The following XPO4 variants were observed in gnomAD, a reference collection of about 807,000 sequenced individuals.
XPO4 encodes exportin 4.
Under a neutral mutation model 143.0 loss-of-function variants are expected in XPO4, and 39 were observed. The ratio of observed to expected loss-of-function variants is 0.27; its 90% CI spans 0.21 to 0.36. XPO4 has a LOEUF of 0.36. XPO4 is among the 10% of genes least tolerant of loss of function. The pLI, the probability that XPO4 is intolerant of heterozygous loss-of-function variation, is 1.00. For synonymous variants in XPO4, 439 were observed against 474.0 expected, an observed-to-expected ratio of 0.93 and a Z score of 0.96; for missense variants, 907 against 1,348.0, an observed-to-expected ratio of 0.67 and a Z score of 5.12.
intron 13 of XPO4, among the ~76,000 whole-genome samples, chr13:20,806,539 CTTTTTTTTTTTTTTTTTTTT>C (rs3056347): frequency 4.9e-5 from 3 of 61,596 alleles, no homozygotes; most frequent in Admixed American, 2.6e-4. Flanking sequence ...TTTCAGGACC[CTTTTTTTTTTTTTTTTTTTT>C]TTTTTTTTTT....
intron 2 of XPO4, among the ~76,000 whole-genome samples, chr13:20,866,926 G>C (rs2060249383): frequency 1.3e-5 from 2 of 152,300 alleles, no homozygotes; most frequent in Non-Finnish European, 2.9e-5. Flanking sequence ...TAGAAAGTCA[G>C]ATGAAACACT....
At position 20,868,524 on chromosome 13, in the gene XPO4, G is replaced by A. The variant is rs2060264394; in HGVS notation, c.175+72C>T. The A allele has an allele frequency of 6.6e-6, 10 of 1,516,046 alleles. No homozygotes were observed. The South Asian group carries it at 1.2e-4, about 18-fold the overall frequency. The allele number at this position is 1,516,046 out of a possible 1,614,324, so 93.9% of individuals were successfully genotyped here. On this transcript the variant is annotated intron_variant, in intron 2 of 22. Coordinates refer to ENST00000255305, the MANE Select transcript of XPO4 (RefSeq NM_022459.5). ...GGTTTTTAAAAAGGAATTTAAAATA[G>A]CTAATGTTTAAGACAGCAAACCCAG... is the stretch of plus-strand genomic sequence containing the variant.
At chr13:20,810,439 CT>C (rs2059566831) in intron 9 of XPO4, among the ~76,000 whole-genome samples, 1 of 152,072 alleles carries the variant, frequency 6.6e-6, no homozygotes, top group Non-Finnish European at 1.5e-5. Flanking sequence ...AAAGCACTGT[CT>C]TCAAAAAAAA....
intron 14 of XPO4, 40 bp from the exon 15 acceptor site, chr13:20,800,365 G>T: frequency 1.3e-6 from 2 of 1,547,704 alleles, no homozygotes; most frequent in Non-Finnish European, 8.7e-7. Flanking sequence ...AAGCAAGAAA[G>T]ATCAACTCAA....
At chr13:20,856,546 C>T (rs1047109607) in intron 3 of XPO4, among the ~76,000 whole-genome samples, 1 of 152,172 alleles carries the variant, frequency 6.6e-6, no homozygotes, top group East Asian at 1.9e-4. Flanking sequence ...CCACCAAGTG[C>T]CCCTGGAATA....
At chr13:20,892,004 CA>C in intron 1 of XPO4, among the ~76,000 whole-genome samples, 1 of 151,568 alleles carries the variant, frequency 6.6e-6, no homozygotes, top group Admixed American at 6.6e-5. Context: ...ATCAAAACCA[CA>C]AATCTGACAA....
In XPO4 at chr13:20,800,950, G is replaced by A. The variant is rs1279278487; in HGVS notation, c.1858C>T (p.Arg620Ter). 6.2e-7 allele frequency: 1 copy of A among 1,613,892 alleles called. No individual in the cohort carries two copies. Among genetic ancestry groups the A allele is most frequent in the East Asian group, 2.2e-5 (1 of 44,840 alleles). The part of the protein sequence containing the change: ...AILRVSEVES[R>*]AIRADLTHLL... Reference sequence around the variant, plus strand: ...TGAGTGAGATCTGCTCTTATTGCTCGAGATTCAACTTCTGAAACTCTGAGA... The same window carrying A: ...TGAGTGAGATCTGCTCTTATTGCTCAAGATTCAACTTCTGAAACTCTGAGA... The change falls in exon 14 of 23, where the codon CGA becomes TGA. Residue 620 changes from arginine (R) to a stop codon, truncating the protein, a stop_gained. Transcript: ENST00000255305. LOFTEE classifies it high-confidence loss of function.
intron 1 of XPO4, among the ~76,000 whole-genome samples, chr13:20,892,776 C>T (rs1033501474): frequency 1.3e-5 from 2 of 151,748 alleles, no homozygotes; most frequent in African/African-American, 4.8e-5. Flanking sequence ...CCCACCTACT[C>T]GGGAGGCTAA....
chr13:20,876,093 C>CAAAAAAAAAA (rs11301411), intron 1 of XPO4, among the ~76,000 whole-genome samples: 11 of 90,718 alleles, frequency 1.2e-4, no homozygotes, highest in East Asian at 7.9e-4. Flanking sequence ...CTACTAAATA[C>CAAAAAAAAAA]AAAAAAAAAA....
At chr13:20,889,308 G>A (rs1196468671) in intron 1 of XPO4, among the ~76,000 whole-genome samples, 1 of 152,200 alleles carries the variant, frequency 6.6e-6, no homozygotes, top group Non-Finnish European at 1.5e-5. Flanking sequence ...TCTACAGACT[G>A]AACTGCTCTA....
At chr13:20,895,459 C>A (rs1372037337) in intron 1 of XPO4, among the ~76,000 whole-genome samples, 2 of 151,946 alleles carry the variant, frequency 1.3e-5, no homozygotes, top group Non-Finnish European at 2.9e-5. Flanking sequence ...AGGTGAAACC[C>A]TGTCCCTACT....
At chr13:20,896,294 A>G (rs1428030026) in intron 1 of XPO4, among the ~76,000 whole-genome samples, 2 of 152,168 alleles carry the variant, frequency 1.3e-5, no homozygotes, top group East Asian at 1.9e-4. Flanking sequence ...GGAAAGAGAG[A>G]TTTTGATTGA....
intron 7 of XPO4, 65 bp downstream of exon 7, chr13:20,827,002 A>C (rs947815221): frequency 5.8e-5 from 66 of 1,141,462 alleles, no homozygotes; most frequent in Non-Finnish European, 7.6e-5. Context: ...TTTACTTAAG[A>C]AACTCGCCAA....
chr13:20,865,696 A>G (rs1374980388), intron 2 of XPO4: 1 of 636,196 alleles, frequency 1.6e-6, no homozygotes, highest in African/African-American at 2.0e-5. Flanking sequence ...TTTAAAAAAG[A>G]AAAAACCCCG....
rs1029540744 is a variant in XPO4 at position 20,803,489 on chromosome 13, T to TA, written c.1818-2500dup. ...AGGGGCCTTTCTTCTACCTCAGAAA[T>TA]ACCTCTCATAACCCAAGAACCTTTC... On this transcript the variant is annotated intron_variant, in intron 13 of 22. Transcript: ENST00000255305. This position sits in a 1 kb window ranked among gnomAD's most constrained non-coding sequence, Gnocchi z 4.1. 1.1e-4 allele frequency among the ~76,000 whole-genome samples: 16 copies of TA among 152,106 alleles called. No homozygotes were observed. The highest frequency in any genetic ancestry group is 3.9e-4 in the African/African-American group (16 of 41,412).
chr13:20,843,023 A>C lies in XPO4; in HGVS notation c.599T>G (p.Met200Arg). 1 of 1,612,242 alleles carries C rather than the reference A, an allele frequency of 6.2e-7. No homozygotes were observed. Among genetic ancestry groups the C allele is most frequent in the East Asian group, 2.2e-5 (1 of 44,816 alleles). The change falls in exon 6 of 23, where the codon ATG becomes AGG. Residue 200 changes from methionine (M) to arginine (R), a missense_variant. Met to Arg is a moderately conservative substitution (Grantham distance 91). Coordinates refer to ENST00000255305, the MANE Select transcript of XPO4 (RefSeq NM_022459.5). The stretch of plus-strand genomic sequence containing the variant: ...CTCCTGCAGAACTTCAACAGTTAAC[A>C]TGAAGATCTGACGAAGGTCTTCTTC... ...FQEEDLRQIF[M>R]LTVEVLQEFS...
intron 9 of XPO4, among the ~76,000 whole-genome samples, chr13:20,810,532 C>G (rs1297607538): frequency 6.6e-6 from 1 of 152,214 alleles, no homozygotes; most frequent in East Asian, 1.9e-4. Context: ...AGAAATTTAA[C>G]AAGCACAAAT....
intron 4 of XPO4, chr13:20,849,341 T>C: frequency 1.0e-6 from 1 of 985,448 alleles, no homozygotes; most frequent in Non-Finnish European, 1.2e-6. Context: ...CACTTCTCTC[T>C]AGTATGGCAA....
At chr13:20,824,807 G>A (rs2059763821) in intron 7 of XPO4, among the ~76,000 whole-genome samples, 1 of 152,166 alleles carries the variant, frequency 6.6e-6, no homozygotes, top group South Asian at 2.1e-4. Context: ...AGAAAAGGAA[G>A]ACAAGGAAGG....
Sources: allele counts gnomAD v4.1 joint callset (sites outside exome capture counted in the v4.1 genomes callset), GRCh38; gene constraint gnomAD v4.1.1; non-coding constraint Gnocchi (gnomAD v3.1); transcripts MANE v1.5; gene names NCBI Gene and HGNC (gene_info 2026-07-23, HGNC 2026-07-21).